Variants in KANSL1 observed in about 807,000 individuals in gnomAD.
The protein encoded by KANSL1 is MLL1/MLL complex subunit KANSL1.
A neutral mutation model predicts 103.6 loss-of-function variants in KANSL1; 22 were observed. The observed-to-expected ratio is 0.21, with a 90% confidence interval of 0.15 to 0.30. The LOEUF (loss-of-function observed/expected upper bound fraction) is 0.30. Ranked by LOEUF, KANSL1 falls within the 10% of genes least tolerant of loss-of-function variation. KANSL1 has a pLI of 1.00. For missense variants in KANSL1, 1,337 were observed against 1,399.8 expected, an observed-to-expected ratio of 0.96 and a Z score of 0.72; for synonymous variants, 600 against 527.6, an observed-to-expected ratio of 1.14 and a Z score of -1.88.
intron 2 of KANSL1, among the ~76,000 whole-genome samples, chr17:46,147,818 G>C (rs2044811396): frequency 1.3e-5 from 2 of 152,222 alleles, no homozygotes; most frequent in African/African-American, 2.4e-5. Flanking sequence ...TTTTCTCGAA[G>C]TTTGGTACAA....
Position 46,170,935 on chromosome 17 carries a change from A to T in KANSL1, c.1209T>A (p.Thr403=). The change falls in exon 2 of 15, where the codon ACT becomes ACA. Residue 403 remains threonine, a synonymous_variant. Transcript: ENST00000432791. ...CAGACTCCCCTCCTGAACTACTGTC[A>T]GTGACATCTGAATCAAATGCCTGTT... is the stretch of plus-strand genomic sequence containing the variant. The part of the protein sequence containing the change: ...CSEQAFDSDV[T]DSSSGGESDI... 1 of 1,614,186 alleles carries T rather than the reference A, an allele frequency of 6.2e-7. No individual in the cohort carries two copies. Among genetic ancestry groups the T allele is most frequent in the South Asian group, 1.1e-5 (1 of 91,090 alleles).
At chr17:46,036,615 G>A (rs2077157243) in intron 10 of KANSL1, among the ~76,000 whole-genome samples, 2 of 152,156 alleles carry the variant, frequency 1.3e-5, no homozygotes, top group South Asian at 4.1e-4. Flanking sequence ...TTTTATATTA[G>A]GGACATGAGC....
intron 2 of KANSL1, among the ~76,000 whole-genome samples, chr17:46,165,218 CT>C (rs68072864): frequency 2.2e-4 from 33 of 152,166 alleles, no homozygotes; most frequent in African/African-American, 7.5e-4. Context: ...GTAAGAGTTA[CT>C]TTTTTTTATT....
At chr17:46,190,546 C>G (rs567814783) in intron 1 of KANSL1, among the ~76,000 whole-genome samples, 1 of 152,354 alleles carries the variant, frequency 6.6e-6, no homozygotes, top group East Asian at 1.9e-4. Flanking sequence ...CATAAAGGCT[C>G]TAATAATTCT....
intron 2 of KANSL1, among the ~76,000 whole-genome samples, chr17:46,149,500 C>T (rs2044952529): frequency 6.6e-6 from 1 of 152,268 alleles, no homozygotes; most frequent in South Asian, 2.1e-4. Flanking sequence ...GTCTCCGTCT[C>T]AACTACACAA....
At chr17:46,056,031 C>T (rs1018958049) in intron 6 of KANSL1, among the ~76,000 whole-genome samples, 4 of 152,094 alleles carry the variant, frequency 2.6e-5, no homozygotes, top group African/African-American at 4.8e-5. Flanking sequence ...CAGAGTCTCG[C>T]TCTGTTGCCC....
intron 2 of KANSL1, among the ~76,000 whole-genome samples, chr17:46,158,110 T>C (rs1314657399): frequency 1.3e-5 from 2 of 152,260 alleles, no homozygotes; most frequent in African/African-American, 4.8e-5. Context: ...GCTAATTTTA[T>C]GCACCTAAAA....
rs569622872 is a variant in KANSL1, at chr17:46,097,770, A to G, written c.1290-3069T>C. Among the ~76,000 whole-genome samples the G allele has an allele frequency of 2.6e-5, 4 of 152,204 alleles. No homozygotes were observed. In the South Asian group the frequency reaches 8.3e-4, roughly 32 times the overall value. Reference sequence around the variant, plus strand: ...ACTCACTGCTAAAACTTATGACTATAGGTGAACTTGAACACAGTCTCCCAT... The same window carrying G: ...ACTCACTGCTAAAACTTATGACTATGGGTGAACTTGAACACAGTCTCCCAT... On this transcript the variant is annotated intron_variant, in intron 2 of 14. Coordinates refer to ENST00000432791, the MANE Select transcript of KANSL1 (RefSeq NM_015443.4).
chr17:46,153,808 G>T (rs935308032), intron 2 of KANSL1, among the ~76,000 whole-genome samples: 3 of 152,202 alleles, frequency 2.0e-5, no homozygotes, highest in Non-Finnish European at 4.4e-5. Flanking sequence ...TGAAGGAATC[G>T]CAATGTGGAG....
intron 6 of KANSL1, among the ~76,000 whole-genome samples, chr17:46,057,728 G>C (rs2077984714): frequency 6.6e-6 from 1 of 152,186 alleles, no homozygotes. Flanking sequence ...TTAATAAATG[G>C]AAGGATGATT....
chr17:46,059,089 C>T (rs534755589), intron 6 of KANSL1, among the ~76,000 whole-genome samples: 1 of 150,868 alleles, frequency 6.6e-6, no homozygotes, highest in Admixed American at 6.6e-5. Flanking sequence ...AAGAGCAGAG[C>T]TTTTGGTACT....
chr17:46,175,388 C>T (rs1478029034), intron 1 of KANSL1, among the ~76,000 whole-genome samples: 5 of 151,388 alleles, frequency 3.3e-5, no homozygotes, highest in African/African-American at 7.3e-5. Flanking sequence ...CTCGCTCTGT[C>T]GCCCAGGCTG....
intron 1 of KANSL1, among the ~76,000 whole-genome samples, chr17:46,217,065 A>G (rs576829319): frequency 6.6e-6 from 1 of 151,160 alleles, no homozygotes; most frequent in Admixed American, 6.6e-5. Context: ...CAGTGATCCA[A>G]GTGCCACTGC....
At chr17:46,148,760 A>C (rs2532304) in intron 2 of KANSL1, among the ~76,000 whole-genome samples, 21,933 of 150,638 alleles carry the variant, frequency 0.15, 2,136 homozygotes, top group Middle Eastern at 0.22. Flanking sequence ...TTTTTTTTGT[A>C]TTTTTAGTAG....
At chr17:46,204,304 T>G (rs2047895810) in intron 1 of KANSL1, among the ~76,000 whole-genome samples, 2 of 151,762 alleles carry the variant, frequency 1.3e-5, no homozygotes, top group Non-Finnish European at 2.9e-5. Context: ...TAGTCTCTAC[T>G]AAAAACAAAA....
intron 2 of KANSL1, among the ~76,000 whole-genome samples, chr17:46,105,895 AG>A (rs1335147164): frequency 5.0e-5 from 6 of 118,888 alleles, no homozygotes; most frequent in African/African-American, 8.7e-5. Context: ...ACACACACAG[AG>A]CAAGGCCTTG....
intron 8 of KANSL1, 52 bp from the exon 9 acceptor site, chr17:46,039,267 TC>T: frequency 6.8e-7 from 1 of 1,479,596 alleles, no homozygotes; most frequent in Non-Finnish European, 9.0e-7. Context: ...TCAAATATTT[TC>T]TTATTCGAGT....
At chr17:46,150,444 A>G (rs1361656550) in intron 2 of KANSL1, among the ~76,000 whole-genome samples, 1 of 152,230 alleles carries the variant, frequency 6.6e-6, no homozygotes, top group African/African-American at 2.4e-5. Context: ...ACAGTGAATT[A>G]TATCTTAGAT....
intron 2 of KANSL1, among the ~76,000 whole-genome samples, chr17:46,126,550 T>C (rs1344165521): frequency 1.3e-5 from 2 of 152,310 alleles, no homozygotes; most frequent in South Asian, 4.1e-4. Context: ...CAAGGAGATA[T>C]ACTATTTTGG....
Sources: gnomAD v4.1 joint callset for allele counts (sites outside exome capture counted in the v4.1 genomes callset) on GRCh38, gnomAD v4.1.1 for gene constraint, MANE v1.5 for transcripts, NCBI Gene and HGNC (gene_info 2026-07-23, HGNC 2026-07-21) for gene names.